The following ME3 variants were observed in gnomAD, a reference collection of about 807,000 sequenced individuals.
The protein encoded by ME3 is malic enzyme 3.
In ME3, 48 loss-of-function variants were observed where a neutral mutation model predicts 68.9. The ratio of observed to expected loss-of-function variants is 0.70; its 90% CI spans 0.55 to 0.89. The LOEUF (loss-of-function observed/expected upper bound fraction) is 0.89, where lower values mean the gene tolerates loss of function less well. ME3 is among the 40% of genes least tolerant of loss of function. The probability of loss-of-function intolerance (pLI) is 0.00; values close to 1 mark genes in which losing one functional copy is unlikely to be tolerated. For missense variants in ME3, 675 were observed against 797.4 expected (o/e 0.85, Z 1.85); for synonymous variants, 320 against 318.8 (o/e 1.00, Z -0.04).
rs1181782986 is a variant in ME3 at position 86,456,265 on chromosome 11, G to A, written c.920-5867C>T. On this transcript the variant is annotated intron_variant, in intron 8 of 14. Coordinates refer to ENST00000543262, the Ensembl canonical transcript of ME3. ...TTGCCTCCCTGAAAGGAGGGGTTGC[G>A]CAAAGCATTTGCCACCAGATGGCGC... Among the ~76,000 whole-genome samples the A allele has an allele frequency of 2.6e-5, 4 of 152,290 alleles. 1 individual carries two copies. The East Asian group carries it at 7.7e-4, about 29-fold the overall frequency.
chr11:86,664,178 A>T (rs1461828384), intron 2 of ME3, among the ~76,000 whole-genome samples: 1 of 152,230 alleles, frequency 6.6e-6, no homozygotes, highest in Non-Finnish European at 1.5e-5. Flanking sequence ...ACTGTAACCT[A>T]AAATTGAAAA....
intron 2 of ME3, among the ~76,000 whole-genome samples, chr11:86,641,132 A>G (rs562446750): frequency 6.6e-6 from 1 of 152,140 alleles, no homozygotes; most frequent in Non-Finnish European, 1.5e-5. Context: ...ACTGACCCTT[A>G]TGCAATTCTC....
At chr11:86,645,152 A>C (rs1938918) in intron 2 of ME3, among the ~76,000 whole-genome samples, 67,751 of 152,048 alleles carry the variant, frequency 0.45, 16,877 homozygotes, top group Non-Finnish European at 0.57. Flanking sequence ...GCAGACACCA[A>C]ACTAGCTGCA....
At chr11:86,437,858 A>AGAATGAATGAAT (rs142909162), downstream of ME3, among the ~76,000 whole-genome samples, 9,298 of 150,876 alleles carry the variant, frequency 0.062, 692 homozygotes, top group African/African-American at 0.18. Context: ...GAGGAGAGAG[A>AGAATGAATGAAT]GAATGAATGA....
rs1164802322 is a variant in ME3, at chr11:86,462,512, G to A, written c.919+2579C>T. 2.6e-6 allele frequency: 3 copies of A among 1,149,922 alleles called. No homozygotes were observed. The African/African-American group carries it at 4.8e-5, about 18-fold the overall frequency. The allele number at this position is 1,149,922 out of a possible 1,614,324, so 71.2% of individuals were successfully genotyped here. A position where few individuals can be genotyped will look rare whatever the true frequency, so the allele number is the denominator to read the frequency against. ...CAAGGGTCAGCTGTACATGAATGATGACCTGGATAACAGAGAGGCTGCAGG... is the reference window on the plus strand; with the variant it reads ...CAAGGGTCAGCTGTACATGAATGATAACCTGGATAACAGAGAGGCTGCAGG... On this transcript the variant is annotated intron_variant, in intron 8 of 14. Coordinates refer to ENST00000543262, the Ensembl canonical transcript of ME3.
chr11:86,446,875 G>T, intron 12 of ME3, 190 bp downstream of exon 12: 1 of 737,968 alleles, frequency 1.4e-6, no homozygotes, highest in Non-Finnish European at 2.1e-6. Context: ...CTTGGGCTTT[G>T]GAGTCAGACC....
Position 86,493,528 on chromosome 11 carries a change from A to G in ME3, c.705+4435T>C, listed in dbSNP as rs377609681. On this transcript the variant is annotated intron_variant, in intron 6 of 14. Transcript: ENST00000543262. ...TTTCCCATGTAAAACAAGGGGGTTG[A>G]ACGAGATGGTACTCAGGCCCCTTCT... Among the ~76,000 whole-genome samples the G allele has an allele frequency of 3.9e-5, 6 of 152,230 alleles. 1 individual carries two copies. In the East Asian group the frequency reaches 7.7e-4, roughly 20 times the overall value.
At chr11:86,643,356 T>C (rs912075412) in intron 2 of ME3, among the ~76,000 whole-genome samples, 17 of 152,216 alleles carry the variant, frequency 1.1e-4, no homozygotes, top group Admixed American at 3.9e-4. Context: ...CCACACACTC[T>C]GTCCTCCATT....
rs528736512 is a variant in ME3 at position 86,611,862 on chromosome 11, C to T, written c.184-52039G>A. ...GCTGAGAGGAACAAAGACAATACAC[C>T]AATATCAACCATTTATTGGATATGC... On this transcript the variant is annotated intron_variant, in intron 2 of 14. Coordinates refer to ENST00000543262, the Ensembl canonical transcript of ME3. Among the ~76,000 whole-genome samples the T allele has an allele frequency of 8.1e-4, 124 of 152,280 alleles. No homozygotes were observed. In the Middle Eastern group the frequency reaches 0.01, roughly 13 times the overall value.
intron 2 of ME3, among the ~76,000 whole-genome samples, chr11:86,617,280 G>A (rs976645512): frequency 1.1e-4 from 17 of 151,582 alleles, no homozygotes; most frequent in African/African-American, 4.1e-4. Context: ...ATTATTCCTG[G>A]CACAAGGTAA....
intron 6 of ME3, among the ~76,000 whole-genome samples, chr11:86,495,534 C>T (rs556845929): frequency 1.3e-5 from 2 of 152,320 alleles, no homozygotes; most frequent in East Asian, 3.9e-4. Flanking sequence ...TTAAATCCAG[C>T]TGGAACACAG....
chr11:86,524,084 C>T (rs1954544905), intron 4 of ME3, among the ~76,000 whole-genome samples: 1 of 152,160 alleles, frequency 6.6e-6, no homozygotes, highest in Non-Finnish European at 1.5e-5. Flanking sequence ...TCACACTTAA[C>T]ACTCTTCACT....
At chr11:86,636,804 G>A (rs1555023575) in intron 2 of ME3, among the ~76,000 whole-genome samples, 1 of 152,166 alleles carries the variant, frequency 6.6e-6, no homozygotes, top group Non-Finnish European at 1.5e-5. Context: ...GGGTGTTATG[G>A]GAATTAAATG....
chr11:86,645,581 C>T (rs533891685), intron 2 of ME3, among the ~76,000 whole-genome samples: 1 of 152,208 alleles, frequency 6.6e-6, no homozygotes, highest in Non-Finnish European at 1.5e-5. Flanking sequence ...TCCCATCTCC[C>T]TGGGACAGAG....
At chr11:86,565,013 AAT>A (rs1390849296) in intron 2 of ME3, among the ~76,000 whole-genome samples, 1 of 152,216 alleles carries the variant, frequency 6.6e-6, no homozygotes, top group Non-Finnish European at 1.5e-5. Flanking sequence ...AATATGACCC[AAT>A]TTAAAAAGAG....
In ME3 at chr11:86,556,732, CAT is replaced by C. The variant is rs562602382; in HGVS notation, c.318-32_318-31del. 1,658 of 1,609,350 alleles carry C rather than the reference CAT, an allele frequency of 1.0e-3. 12 individuals are homozygous for C. In the South Asian group the frequency reaches 0.013, roughly 12 times the overall value. On this transcript the variant is annotated intron_variant, in intron 3 of 14. Coordinates refer to ENST00000543262, the Ensembl canonical transcript of ME3. ...TAAAAGGAGAGAAAAAGCAAGCTGA[CAT>C]GTGGTAGCAGCAGGCCCTGATGCCT...
At chr11:86,573,341 T>A (rs1417198978) in intron 2 of ME3, among the ~76,000 whole-genome samples, 1 of 152,186 alleles carries the variant, frequency 6.6e-6, no homozygotes, top group Middle Eastern at 3.2e-3. Context: ...GTTTTAGTCA[T>A]AAAGTCTTTG....
At chr11:86,640,006 G>A (rs1043282900) in intron 2 of ME3, among the ~76,000 whole-genome samples, 1 of 152,158 alleles carries the variant, frequency 6.6e-6, no homozygotes, top group African/African-American at 2.4e-5. Context: ...GTGGAGGTGA[G>A]ACCAGAATTC....
At chr11:86,602,259 C>G (rs1451769769) in intron 2 of ME3, among the ~76,000 whole-genome samples, 1 of 148,516 alleles carries the variant, frequency 6.7e-6, no homozygotes, top group Non-Finnish European at 1.5e-5. Flanking sequence ...TGCAAAGTCT[C>G]AGGATACAAA....
Sources: allele counts gnomAD v4.1 joint callset (sites outside exome capture counted in the v4.1 genomes callset), GRCh38; gene constraint gnomAD v4.1.1; transcripts MANE v1.5; gene names NCBI Gene and HGNC (gene_info 2026-07-23, HGNC 2026-07-21).